The following CENPW variants were observed in gnomAD, a reference collection of about 807,000 sequenced individuals.
CENPW encodes the protein centromere protein W.
In CENPW, 3 loss-of-function variants were observed where a neutral mutation model predicts 11.1. The observed-to-expected ratio is 0.27, with a 90% confidence interval of 0.12 to 0.70. CENPW has a LOEUF of 0.70. Ranked by LOEUF, CENPW falls within the 30% of genes least tolerant of loss-of-function variation. The pLI, the probability that CENPW is intolerant of heterozygous loss-of-function variation, is 0.77. For synonymous variants in CENPW, 38 were observed against 42.0 expected (o/e 0.91, Z 0.37); for missense variants, 100 against 105.6 (o/e 0.95, Z 0.23).
chr6:126,348,062 G>A (rs945809779), intron 2 of CENPW, among the ~76,000 whole-genome samples: 9 of 151,856 alleles, frequency 5.9e-5, no homozygotes, highest in Non-Finnish European at 8.8e-5. Flanking sequence ...GACTTTTTGA[G>A]TCTAATATAG....
chr6:126,407,273 T>G, the CENPW span, among the ~76,000 whole-genome samples: 1 of 152,210 alleles, frequency 6.6e-6, no homozygotes, highest in Non-Finnish European at 1.5e-5. Context: ...CTAGTTCCTT[T>G]TTATGGCTGC....
the CENPW span, among the ~76,000 whole-genome samples, chr6:126,429,122 A>G: frequency 6.6e-6 from 1 of 152,124 alleles, no homozygotes; most frequent in Non-Finnish European, 1.5e-5. Flanking sequence ...ACTAGTAAAT[A>G]ATGTCTTGAT....
At chr6:126,387,483 C>T in the CENPW span, among the ~76,000 whole-genome samples, 3 of 151,880 alleles carry the variant, frequency 2.0e-5, no homozygotes, top group Non-Finnish European at 2.9e-5. Flanking sequence ...TATTATATGC[C>T]TTTCAAGTGC....
downstream of CENPW, among the ~76,000 whole-genome samples, chr6:126,351,505 A>T (rs1004343964): frequency 1.3e-5 from 2 of 151,930 alleles, no homozygotes; most frequent in Non-Finnish European, 2.9e-5. Flanking sequence ...CTGACTTAGA[A>T]AAGAAAGAGA....
At chr6:126,458,508 C>A in the CENPW span, among the ~76,000 whole-genome samples, 192 of 151,362 alleles carry the variant, frequency 1.3e-3, 2 homozygotes, top group Non-Finnish European at 3.3e-4. Context: ...TTATTAGCAT[C>A]GATGCTTTTT....
chr6:126,447,714 C>T, the CENPW span, among the ~76,000 whole-genome samples: 91 of 151,218 alleles, frequency 6.0e-4, 1 homozygote, highest in Middle Eastern at 3.4e-3. Context: ...CACTCCATGT[C>T]TCATTTCTCT....
chr6:126,451,645 G>A, the CENPW span, among the ~76,000 whole-genome samples: 1 of 151,074 alleles, frequency 6.6e-6, no homozygotes, highest in African/African-American at 2.4e-5. Flanking sequence ...GAAACCTTCT[G>A]ATCAGTGGAG....
the CENPW span, among the ~76,000 whole-genome samples, chr6:126,420,726 G>C: frequency 1.3e-5 from 2 of 152,042 alleles, no homozygotes; most frequent in Non-Finnish European, 2.9e-5. Flanking sequence ...TGGGGAGTAC[G>C]GTAATCTCTA....
At chr6:126,444,042 G>A in the CENPW span, among the ~76,000 whole-genome samples, 5 of 148,898 alleles carry the variant, frequency 3.4e-5, no homozygotes, top group Admixed American at 6.7e-5. Flanking sequence ...AAAGCATGAC[G>A]TCAATCAGGT....
Position 126,348,508 on chromosome 6 carries a change from T to C in CENPW, c.*16T>C, listed in dbSNP as rs1780451586. 2 of 1,432,618 alleles carry C rather than the reference T, an allele frequency of 1.4e-6. No individual in the cohort carries two copies. Among genetic ancestry groups the C allele is most frequent in the Non-Finnish European group, 2.0e-6 (2 of 1,018,592 alleles). The allele number at this position is 1,432,618 out of a possible 1,614,324, so 88.7% of individuals were successfully genotyped here. A position where few individuals can be genotyped will look rare whatever the true frequency, so the allele number is the denominator to read the frequency against. Reference sequence around the variant, plus strand: ...CAGAGGTTAGAAGTCAAAGAACATATTCTTGAAAGTTATGATGCATTCTTT... The same window carrying C: ...CAGAGGTTAGAAGTCAAAGAACATACTCTTGAAAGTTATGATGCATTCTTT... On this transcript the variant is annotated 3_prime_UTR_variant, in exon 3 of 3. Transcript: ENST00000368328.
At chr6:126,469,095 G>A in the CENPW span, among the ~76,000 whole-genome samples, 10 of 152,072 alleles carry the variant, frequency 6.6e-5, no homozygotes, top group Non-Finnish European at 1.2e-4. Flanking sequence ...ACTCAGCCAA[G>A]CATTTCTATA....
chr6:126,427,277 G>A, the CENPW span, among the ~76,000 whole-genome samples: 50 of 152,224 alleles, frequency 3.3e-4, no homozygotes, highest in Middle Eastern at 3.4e-3. Flanking sequence ...TATGGTATAG[G>A]TAAGTAAAAA....
chr6:126,377,545 G>A, the CENPW span, among the ~76,000 whole-genome samples: 2 of 152,200 alleles, frequency 1.3e-5, no homozygotes, highest in Non-Finnish European at 2.9e-5. Flanking sequence ...AACTCAGATT[G>A]CAGAAGGTGA....
chr6:126,410,317 C>T, the CENPW span, among the ~76,000 whole-genome samples: 10 of 152,166 alleles, frequency 6.6e-5, no homozygotes, highest in Non-Finnish European at 1.3e-4. Flanking sequence ...AGTATATCAT[C>T]ATATTTTCTC....
chr6:126,351,545 G>C (rs542300204), downstream of CENPW, among the ~76,000 whole-genome samples: 1 of 152,186 alleles, frequency 6.6e-6, no homozygotes, highest in Non-Finnish European at 1.5e-5. Context: ...TTAGAGGTGG[G>C]GGAAGATGTG....
chr6:126,435,169 A>G, the CENPW span, among the ~76,000 whole-genome samples: 838 of 152,116 alleles, frequency 5.5e-3, 12 homozygotes, highest in African/African-American at 0.019. Flanking sequence ...GTCTTAAAAC[A>G]TACAACTTAT....
chr6:126,348,371 A>G, intron 2 of CENPW, 95 bp from the exon 3 acceptor site: 1 of 687,752 alleles, frequency 1.5e-6, no homozygotes, highest in South Asian at 1.7e-5. Flanking sequence ...TCAGTCTTGC[A>G]TATTATGCAC....
chr6:126,416,431 A>T, the CENPW span, among the ~76,000 whole-genome samples: 2 of 152,192 alleles, frequency 1.3e-5, no homozygotes, highest in Non-Finnish European at 2.9e-5. Context: ...TGGCCGCAGA[A>T]ATTTGCGTAA....
the CENPW span, among the ~76,000 whole-genome samples, chr6:126,420,388 T>TA: frequency 2.0e-5 from 3 of 151,746 alleles, no homozygotes; most frequent in Non-Finnish European, 4.4e-5. Context: ...AGACACATTT[T>TA]AAAAAAAATG....
Sources: allele counts gnomAD v4.1 joint callset (sites outside exome capture counted in the v4.1 genomes callset), GRCh38; gene constraint gnomAD v4.1.1; transcripts MANE v1.5; gene names NCBI Gene and HGNC (gene_info 2026-07-23, HGNC 2026-07-21).